The following ASF1B variants were observed in gnomAD, a reference collection of about 807,000 sequenced individuals.
ASF1B encodes the protein histone chaperone ASF1B.
In ASF1B, 10 loss-of-function variants were observed where a neutral mutation model predicts 16.6. The ratio of observed to expected loss-of-function variants is 0.60; its 90% CI spans 0.37 to 1.02. ASF1B has a LOEUF of 1.02. Ranked by LOEUF, ASF1B falls within the 50% of genes least tolerant of loss-of-function variation. The pLI, the probability that ASF1B is intolerant of heterozygous loss-of-function variation, is 0.01. For synonymous variants in ASF1B, 101 were observed against 106.2 expected, an observed-to-expected ratio of 0.95 and a Z score of 0.30; for missense variants, 240 against 266.0, an observed-to-expected ratio of 0.90 and a Z score of 0.68.
intron 1 of ASF1B, 40 bp from the exon 2 acceptor site, chr19:14,126,277 A>C: frequency 5.0e-5 from 73 of 1,453,916 alleles, no homozygotes; most frequent in Non-Finnish European, 6.5e-5. Flanking sequence ...GAAATAGCTC[A>C]ACAGCAAGAA....
chr19:14,120,703 G>T (rs765461156), intron 3 of ASF1B, 38 bp from the exon 4 acceptor site: 1 of 1,599,788 alleles, frequency 6.3e-7, no homozygotes, highest in Non-Finnish European at 8.6e-7. Flanking sequence ...TTGTAGGTAC[G>T]CCCTCTCCTT....
At chr19:14,121,779 C>G in intron 2 of ASF1B, 71 bp from the exon 3 acceptor site, 1 of 1,399,840 alleles carries the variant, frequency 7.1e-7, no homozygotes. Flanking sequence ...CAAAGATTCC[C>G]AAGCATCATG....
intron 1 of ASF1B, among the ~76,000 whole-genome samples, chr19:14,132,674 C>A (rs1031940036): frequency 6.6e-6 from 1 of 152,052 alleles, no homozygotes; most frequent in Non-Finnish European, 1.5e-5. Flanking sequence ...AAAAATTAGC[C>A]GGGCATGGTG....
At chr19:14,135,443 C>A (rs1038290886) in intron 1 of ASF1B, among the ~76,000 whole-genome samples, 1 of 152,042 alleles carries the variant, frequency 6.6e-6, no homozygotes, top group Admixed American at 6.6e-5. Flanking sequence ...ACGGTAGCAT[C>A]CTTTCCCAGG....
At chr19:14,129,606 A>T (rs1412369900) in intron 1 of ASF1B, among the ~76,000 whole-genome samples, 1 of 127,066 alleles carries the variant, frequency 7.9e-6, no homozygotes, top group East Asian at 2.8e-4. Context: ...TGAACCTGGG[A>T]GGCAGCAGAG....
rs1026972193 is a variant in ASF1B, at chr19:14,124,990, A to C, written c.225+1132T>G. On this transcript the variant is annotated intron_variant, in intron 2 of 3. Transcript: ENST00000263382. ...GGTATCTTTCCTTTTTTTCTGAGAC[A>C]GAGTATCGCTGTATCACCCAGGCTA... Among the ~76,000 whole-genome samples the C allele has an allele frequency of 2.6e-5, 4 of 152,264 alleles. No homozygotes were observed. The South Asian group carries it at 6.2e-4, about 24-fold the overall frequency.
At chr19:14,133,785 G>C (rs1967442357) in intron 1 of ASF1B, among the ~76,000 whole-genome samples, 1 of 149,778 alleles carries the variant, frequency 6.7e-6, no homozygotes, top group Admixed American at 6.7e-5. Flanking sequence ...ACCAGATAAT[G>C]ACCGCACAAC....
At chr19:14,134,622 C>T (rs1376001629) in intron 1 of ASF1B, among the ~76,000 whole-genome samples, 2 of 152,154 alleles carry the variant, frequency 1.3e-5, no homozygotes, top group East Asian at 3.8e-4. Context: ...GGTGCCAAGG[C>T]TCCCTAGGTG....
intron 2 of ASF1B, 116 bp from the exon 3 acceptor site, chr19:14,121,824 A>G (rs1354290044): frequency 9.9e-7 from 1 of 1,008,578 alleles, no homozygotes; most frequent in African/African-American, 1.7e-5. Flanking sequence ...CTCTGCCCTC[A>G]GTTTTCTTTT....
At chr19:14,123,802 T>C (rs1967278407) in intron 2 of ASF1B, among the ~76,000 whole-genome samples, 1 of 150,664 alleles carries the variant, frequency 6.6e-6, no homozygotes, top group Non-Finnish European at 1.5e-5. Flanking sequence ...TTTTTTTTTT[T>C]TTTTTAGAGA....
chr19:14,134,068 T>C (rs1967449193), intron 1 of ASF1B, among the ~76,000 whole-genome samples: 1 of 151,936 alleles, frequency 6.6e-6, no homozygotes, highest in African/African-American at 2.4e-5. Context: ...CCTCCCAAAG[T>C]GCTGGGATTA....
intron 2 of ASF1B, among the ~76,000 whole-genome samples, chr19:14,125,532 G>A (rs1349406997): frequency 6.6e-6 from 1 of 152,202 alleles, no homozygotes; most frequent in African/African-American, 2.4e-5. Flanking sequence ...GTAGAACTAG[G>A]ATTTGAACCT....
chr19:14,128,590 T>C lies in ASF1B; in HGVS notation c.110-2353A>G, dbSNP rs1223056836. Among the ~76,000 whole-genome samples the C allele has an allele frequency of 3.9e-5, 6 of 152,346 alleles. No individual in the cohort carries two copies. In the South Asian group the frequency reaches 8.3e-4, roughly 21 times the overall value. The stretch of plus-strand genomic sequence containing the variant: ...CCTGCGCTCAAGTGATTCTCTTGCC[T>C]TAGCCTCCCAAGTAGCTGGGACCAC... On this transcript the variant is annotated intron_variant, in intron 1 of 3. Transcript: ENST00000263382.
chr19:14,127,234 A>G (rs1967332188), intron 1 of ASF1B, among the ~76,000 whole-genome samples: 1 of 152,238 alleles, frequency 6.6e-6, no homozygotes, highest in African/African-American at 2.4e-5. Flanking sequence ...AAGCCTAGCT[A>G]TGACAGGTGA....
At chr19:14,134,615 G>A (rs187981126) in intron 1 of ASF1B, among the ~76,000 whole-genome samples, 94 of 152,320 alleles carry the variant, frequency 6.2e-4, no homozygotes, top group Non-Finnish European at 9.1e-4. Context: ...TGTTAGTGGT[G>A]CCAAGGCTCC....
chr19:14,122,366 CT>C (rs34251080), intron 2 of ASF1B, among the ~76,000 whole-genome samples: 28,651 of 144,356 alleles, frequency 0.2, 3,320 homozygotes, highest in African/African-American at 0.34. Flanking sequence ...TGCGCCTGGA[CT>C]TTTTTTTTTT....
At position 14,126,265 on chromosome 19, in the gene ASF1B, T is replaced by C. The variant is rs772671019; in HGVS notation, c.110-28A>G. On this transcript the variant is annotated intron_variant, in intron 1 of 3. Coordinates refer to ENST00000263382, the MANE Select transcript of ASF1B (RefSeq NM_018154.3). ...GCAAAGATATAGGAGGGTTAACTAA[T>C]TGAAATAGCTCAACAGCAAGAAGGC... 1.2e-5 allele frequency: 18 copies of C among 1,534,560 alleles called. No individual in the cohort carries two copies. In the South Asian group the frequency reaches 1.7e-4, roughly 14 times the overall value.
At position 14,121,829 on chromosome 19, in the gene ASF1B, T is replaced by TC. The variant is rs892117759; in HGVS notation, c.226-122dup. The TC allele has an allele frequency of 9.3e-6, 9 of 963,840 alleles. No homozygotes were observed. The African/African-American group carries it at 1.5e-4, about 16-fold the overall frequency. The allele number at this position is 963,840 out of a possible 1,614,324, so 59.7% of individuals were successfully genotyped here. ...AAAGTATGCTCTCTGCCCTCAGTTT[T>TC]CTTTTTTTTACTTCTGCCTCTCGGG... On this transcript the variant is annotated intron_variant, in intron 2 of 3. Coordinates refer to ENST00000263382, the MANE Select transcript of ASF1B (RefSeq NM_018154.3).
chr19:14,133,106 C>T (rs1260472270), intron 1 of ASF1B, among the ~76,000 whole-genome samples: 2 of 149,748 alleles, frequency 1.3e-5, no homozygotes, highest in East Asian at 2.0e-4. Flanking sequence ...GGTGACACAG[C>T]GAGACTCCAT....
Sources: allele counts gnomAD v4.1 joint callset (sites outside exome capture counted in the v4.1 genomes callset), GRCh38; gene constraint gnomAD v4.1.1; transcripts MANE v1.5; gene names NCBI Gene and HGNC (gene_info 2026-07-23, HGNC 2026-07-21).